Variants in DAPK1 observed in about 807,000 individuals in gnomAD.
DAPK1 encodes the protein death-associated protein kinase 1.
In DAPK1, 56 loss-of-function variants were observed where a neutral mutation model predicts 144.9. The observed-to-expected ratio is 0.39, with a 90% CI of 0.31 to 0.48. The LOEUF (loss-of-function observed/expected upper bound fraction) is 0.48. Ranked by LOEUF, DAPK1 falls within the 20% of genes least tolerant of loss-of-function variation. The pLI is 0.95. For missense variants in DAPK1, 1,454 were observed against 1,875.4 expected (o/e 0.78, Z 4.15); for synonymous variants, 690 against 749.0 (o/e 0.92, Z 1.29).
chr9:87,704,990 TA>T (rs1167488988), intron 25 of DAPK1, among the ~76,000 whole-genome samples: 1 of 152,006 alleles, frequency 6.6e-6, no homozygotes, highest in Non-Finnish European at 1.5e-5. Context: ...ACCAAAAAGC[TA>T]AAGTCCCCTT....
At chr9:87,650,744 T>A (rs1021431701) in intron 16 of DAPK1, among the ~76,000 whole-genome samples, 1 of 152,240 alleles carries the variant, frequency 6.6e-6, no homozygotes, top group African/African-American at 2.4e-5. Flanking sequence ...CCCCCAGGGG[T>A]GTTTGATAAT....
intron 2 of DAPK1, among the ~76,000 whole-genome samples, chr9:87,582,455 A>G (rs1360834302): frequency 6.6e-6 from 1 of 151,952 alleles, no homozygotes; most frequent in Non-Finnish European, 1.5e-5. Flanking sequence ...GCAGTTGGCA[A>G]GTTTGTTGAG....
chr9:87,510,135 C>CG (rs1267259275), intron 2 of DAPK1, among the ~76,000 whole-genome samples: 1 of 152,140 alleles, frequency 6.6e-6, no homozygotes, highest in Non-Finnish European at 1.5e-5. Flanking sequence ...CAGGATGAAA[C>CG]GTTGTCAGTC....
At chr9:87,644,080 CT>C (rs1305835711) in intron 11 of DAPK1, among the ~76,000 whole-genome samples, 1 of 152,128 alleles carries the variant, frequency 6.6e-6, no homozygotes, top group Non-Finnish European at 1.5e-5. Context: ...CTCCAACTTT[CT>C]TAGTTTTAAT....
rs573442039 is a variant in DAPK1, at chr9:87,526,549, G to C, written c.62+27410G>C. ...GCTACAGTCTGTTCACTCACCAACT[G>C]AATGACATTTGGATTTTTCCAATGC... On this transcript the variant is annotated intron_variant, in intron 2 of 25. Transcript: ENST00000408954. 9.2e-5 allele frequency among the ~76,000 whole-genome samples: 14 copies of C among 152,294 alleles called. No individual in the cohort carries two copies. The South Asian group carries it at 2.9e-3, about 32-fold the overall frequency.
chr9:87,654,270 T>G (rs1168296423), intron 17 of DAPK1, among the ~76,000 whole-genome samples: 1 of 152,188 alleles, frequency 6.6e-6, no homozygotes, highest in Non-Finnish European at 1.5e-5. Flanking sequence ...GTAGCTGTAT[T>G]AAAGACAAGC....
chr9:87,655,795 G>T (rs1830609859), intron 17 of DAPK1, among the ~76,000 whole-genome samples: 1 of 152,328 alleles, frequency 6.6e-6, no homozygotes, highest in Admixed American at 6.5e-5. Context: ...TTACCCATTT[G>T]TCCCTCTTTA....
chr9:87,683,212 G>A (rs1275450794), intron 20 of DAPK1, among the ~76,000 whole-genome samples: 1 of 151,628 alleles, frequency 6.6e-6, no homozygotes, highest in Non-Finnish European at 1.5e-5. Flanking sequence ...CCTCCCAGGT[G>A]GCTGGGACTA....
chr9:87,700,297 G>A, intron 24 of DAPK1, 60 bp downstream of exon 24: 1 of 1,436,290 alleles, frequency 7.0e-7, no homozygotes, highest in Non-Finnish European at 9.8e-7. Context: ...TTTGCCTCTG[G>A]TTTCAGGGAA....
chr9:87,498,405 G>C (rs1006940936), intron 1 of DAPK1: 4 of 331,344 alleles, frequency 1.2e-5, no homozygotes, highest in Non-Finnish European at 2.2e-5. Flanking sequence ...TTGCTCCCCC[G>C]GGCGGCCGCA....
chr9:87,621,196 A>G (rs1159495467), intron 3 of DAPK1, among the ~76,000 whole-genome samples: 1 of 152,110 alleles, frequency 6.6e-6, no homozygotes, highest in African/African-American at 2.4e-5. Context: ...GGTCATGACC[A>G]CTTACTTTGA....
chr9:87,614,217 C>T (rs773292620), intron 3 of DAPK1, among the ~76,000 whole-genome samples: 8 of 152,208 alleles, frequency 5.3e-5, no homozygotes, highest in Non-Finnish European at 1.2e-4. Context: ...GATTTCTGCA[C>T]GGTCTTAAGA....
At chr9:87,546,720 T>G (rs926863062) in intron 2 of DAPK1, among the ~76,000 whole-genome samples, 11 of 152,236 alleles carry the variant, frequency 7.2e-5, no homozygotes, top group Non-Finnish European at 1.5e-4. Context: ...CCCAGCTCTC[T>G]TTTCTCTCTT....
chr9:87,704,656 T>C (rs1424067374), intron 25 of DAPK1, among the ~76,000 whole-genome samples: 1 of 152,268 alleles, frequency 6.6e-6, no homozygotes, highest in Non-Finnish European at 1.5e-5. Flanking sequence ...CGATGAGCAG[T>C]GTTTAGGACC....
At chr9:87,591,707 G>A (rs937420184) in intron 2 of DAPK1, among the ~76,000 whole-genome samples, 1 of 152,198 alleles carries the variant, frequency 6.6e-6, no homozygotes, top group Admixed American at 6.5e-5. Context: ...TCTAACAAAT[G>A]ATGAAGTAGC....
At chr9:87,700,263 G>C (rs1381281253) in intron 24 of DAPK1, 26 bp downstream of exon 24, 2 of 1,599,804 alleles carry the variant, frequency 1.3e-6, no homozygotes, top group African/African-American at 2.7e-5. Flanking sequence ...AAAGAGCCTG[G>C]ACCCCTTTGT....
chr9:87,639,268 T>G, intron 4 of DAPK1, 86 bp from the exon 5 acceptor site: 1 of 1,267,542 alleles, frequency 7.9e-7, no homozygotes, highest in African/African-American at 1.5e-5. Context: ...GCCTTTTTTT[T>G]TTTTTTGGAG....
intron 2 of DAPK1, among the ~76,000 whole-genome samples, chr9:87,584,023 G>A (rs1243515928): frequency 3.9e-5 from 6 of 152,190 alleles, no homozygotes; most frequent in South Asian, 2.1e-4. Context: ...TGTATTATTA[G>A]TATGCTACAT....
At chr9:87,573,954 A>G (rs1827455941) in intron 2 of DAPK1, among the ~76,000 whole-genome samples, 1 of 152,244 alleles carries the variant, frequency 6.6e-6, no homozygotes, top group Non-Finnish European at 1.5e-5. Context: ...TCTATATCAT[A>G]TAGAAGGAGT....
Sources: gnomAD v4.1 joint callset for allele counts (sites outside exome capture counted in the v4.1 genomes callset) on GRCh38, gnomAD v4.1.1 for gene constraint, MANE v1.5 for transcripts, NCBI Gene and HGNC (gene_info 2026-07-23, HGNC 2026-07-21) for gene names.